OTUD7A: variants seen among roughly 807,000 people sequenced by gnomAD.
OTUD7A encodes OTU deubiquitinase 7A.
Under a neutral mutation model 65.7 loss-of-function variants are expected in OTUD7A, and 12 were observed. That is an observed-to-expected ratio of 0.18 (90% CI 0.12 to 0.30). The LOEUF is 0.30. OTUD7A is among the 10% of genes least tolerant of loss of function. OTUD7A has a pLI of 1.00. For missense variants in OTUD7A, 1,148 were observed against 1,304.8 expected (o/e 0.88, Z 1.85); for synonymous variants, 641 against 586.3 (o/e 1.09, Z -1.35).
intron 5 of OTUD7A, among the ~76,000 whole-genome samples, chr15:31,547,269 C>T (rs1253118810): frequency 1.3e-5 from 2 of 152,188 alleles, no homozygotes; most frequent in South Asian, 4.2e-4. Flanking sequence ...TTAAGGGGTA[C>T]CTTAGATGCT....
intron 1 of OTUD7A, among the ~76,000 whole-genome samples, chr15:31,838,887 ACAGT>A (rs1897120000): frequency 6.6e-6 from 1 of 152,174 alleles, no homozygotes; most frequent in African/African-American, 2.4e-5. Flanking sequence ...AATCCACTCA[ACAGT>A]CAGAGAGACC....
At chr15:31,790,143 C>G (rs1464530403) in intron 1 of OTUD7A, among the ~76,000 whole-genome samples, 1 of 152,188 alleles carries the variant, frequency 6.6e-6, no homozygotes, top group Non-Finnish European at 1.5e-5. Context: ...ATCACACTTC[C>G]TAGATGTGTC....
chr15:31,821,053 T>C (rs1230523057), intron 1 of OTUD7A, among the ~76,000 whole-genome samples: 1 of 152,012 alleles, frequency 6.6e-6, no homozygotes, highest in Non-Finnish European at 1.5e-5. Flanking sequence ...TCATATAATA[T>C]GGGGTCTTTT....
chr15:31,678,971 C>G (rs1039012543), intron 1 of OTUD7A, among the ~76,000 whole-genome samples: 1 of 152,228 alleles, frequency 6.6e-6, no homozygotes, highest in African/African-American at 2.4e-5. Context: ...CGGGTCTATA[C>G]CCTGCAATAC....
chr15:31,796,872 T>C (rs1895974752), intron 1 of OTUD7A, among the ~76,000 whole-genome samples: 1 of 152,180 alleles, frequency 6.6e-6, no homozygotes, highest in Non-Finnish European at 1.5e-5. Flanking sequence ...GTAGCTGGGA[T>C]TACAGGCATG....
intron 10 of OTUD7A, 46 bp downstream of exon 10, chr15:31,501,644 C>T: frequency 1.9e-6 from 3 of 1,612,578 alleles, no homozygotes; most frequent in Non-Finnish European, 2.5e-6. Flanking sequence ...ATGGCTCTGC[C>T]CCCACCCTAG....
At chr15:31,840,693 C>A (rs1056285395) in intron 1 of OTUD7A, among the ~76,000 whole-genome samples, 1 of 152,092 alleles carries the variant, frequency 6.6e-6, no homozygotes, top group Non-Finnish European at 1.5e-5. Flanking sequence ...GAAAATACCA[C>A]ACAAGAACAG....
chr15:31,690,015 G>T (rs937087284), intron 1 of OTUD7A, among the ~76,000 whole-genome samples: 18 of 152,144 alleles, frequency 1.2e-4, no homozygotes, highest in African/African-American at 4.1e-4. Flanking sequence ...ACCTTTTGAG[G>T]CCATTTATTT....
chr15:31,663,315 T>C (rs1158801348), intron 1 of OTUD7A, among the ~76,000 whole-genome samples: 1 of 151,004 alleles, frequency 6.6e-6, no homozygotes, highest in Non-Finnish European at 1.5e-5. Flanking sequence ...CCAGGATACA[T>C]GTGCAGGATG....
rs1889005725 is a variant in OTUD7A, at chr15:31,570,212, T to C, written c.152-15A>G. Reference sequence around the variant, plus strand: ...CCAGTTTTTGCCTGTGGACAAGAAATGACAAGAGGTGACAATACGAACGCA... The same window carrying C: ...CCAGTTTTTGCCTGTGGACAAGAAACGACAAGAGGTGACAATACGAACGCA... On this transcript the variant is annotated splice_polypyrimidine_tract_variant and intron_variant, in intron 3 of 12. Coordinates refer to ENST00000307050, the MANE Select transcript of OTUD7A (RefSeq NM_001382637.1). 1 of 1,612,532 alleles carries C rather than the reference T, an allele frequency of 6.2e-7. No individual in the cohort carries two copies. Among genetic ancestry groups the C allele is most frequent in the Non-Finnish European group, 8.5e-7 (1 of 1,178,714 alleles).
rs377008608 is a variant in OTUD7A, at chr15:31,867,602, G to C, written c.-100+2905C>G. 2.2e-4 allele frequency among the ~76,000 whole-genome samples: 33 copies of C among 152,320 alleles called. No individual in the cohort carries two copies. In the East Asian group the frequency reaches 6.4e-3, roughly 29 times the overall value. On this transcript the variant is annotated intron_variant, in intron 1 of 12. Transcript: ENST00000307050. The stretch of plus-strand genomic sequence containing the variant: ...AGGAGCAAACATCAAGGGTGTGCAG[G>C]AGAGGATTTCCACGGGGTTGCCCTG...
chr15:31,642,599 T>C (rs970593517), intron 3 of OTUD7A, among the ~76,000 whole-genome samples: 4 of 151,132 alleles, frequency 2.6e-5, no homozygotes, highest in Non-Finnish European at 4.4e-5. Context: ...TTTTTTTTTT[T>C]CTTGCATAGG....
chr15:31,805,398 A>C (rs1896242145), intron 1 of OTUD7A, among the ~76,000 whole-genome samples: 1 of 152,160 alleles, frequency 6.6e-6, no homozygotes, highest in Non-Finnish European at 1.5e-5. Context: ...GGCCCACTGA[A>C]TGCCTGGGAT....
chr15:31,699,847 G>A (rs1415965688), intron 1 of OTUD7A, among the ~76,000 whole-genome samples: 2 of 151,966 alleles, frequency 1.3e-5, no homozygotes, highest in African/African-American at 2.4e-5. Context: ...TTTAGCAATC[G>A]AATCTGTCTG....
intron 3 of OTUD7A, among the ~76,000 whole-genome samples, chr15:31,646,316 G>A (rs1891662030): frequency 1.3e-5 from 2 of 152,152 alleles, no homozygotes; most frequent in Non-Finnish European, 2.9e-5. Context: ...ACGGGGGAAT[G>A]GGGAGGCTTT....
intron 1 of OTUD7A, among the ~76,000 whole-genome samples, chr15:31,812,588 C>T (rs1326591499): frequency 1.3e-5 from 2 of 152,116 alleles, no homozygotes; most frequent in Non-Finnish European, 2.9e-5. Context: ...AGAAGACCTG[C>T]CTCATGGAAT....
chr15:31,817,280 C>CA (rs1049868937), intron 1 of OTUD7A, among the ~76,000 whole-genome samples: 7 of 149,124 alleles, frequency 4.7e-5, no homozygotes, highest in African/African-American at 1.2e-4. Flanking sequence ...CATTTGCCCC[C>CA]CCCCATCACT....
chr15:31,506,438 GA>G (rs143838585), intron 8 of OTUD7A, among the ~76,000 whole-genome samples: 7,182 of 152,074 alleles, frequency 0.047, 204 homozygotes, highest in Middle Eastern at 0.092. Flanking sequence ...AAATTTATTT[GA>G]AATTTTTTTT....
intron 3 of OTUD7A, among the ~76,000 whole-genome samples, chr15:31,609,530 C>G (rs376985247): frequency 1.3e-5 from 2 of 152,058 alleles, no homozygotes; most frequent in African/African-American, 4.8e-5. Context: ...GACCTGGGAA[C>G]CTCACCCCCA....
Sources: gnomAD v4.1 joint callset for allele counts (sites outside exome capture counted in the v4.1 genomes callset) on GRCh38, gnomAD v4.1.1 for gene constraint, MANE v1.5 for transcripts, NCBI Gene and HGNC (gene_info 2026-07-23, HGNC 2026-07-21) for gene names.